Variants in UNC13C observed in about 807,000 individuals in gnomAD.
UNC13C encodes unc-13 homolog C.
UNC13C carries 174 observed loss-of-function variants against 245.4 expected under a neutral mutation model. The ratio of observed to expected loss-of-function variants is 0.71; its 90% CI spans 0.63 to 0.80. UNC13C has a LOEUF of 0.80. UNC13C is among the 30% of genes least tolerant of loss of function. The pLI is 0.00. For synonymous variants in UNC13C, 992 were observed against 895.1 expected (o/e 1.11, Z -1.93); for missense variants, 2,829 against 2,602.9 (o/e 1.09, Z -1.89).
At chr15:53,896,948 C>T in the UNC13C span, among the ~76,000 whole-genome samples, 1 of 152,124 alleles carries the variant, frequency 6.6e-6, no homozygotes, top group African/African-American at 2.4e-5. Context: ...GAAAAATAAA[C>T]TTCTATTTGG....
intron 29 of UNC13C, 89 bp downstream of exon 29, chr15:54,555,601 T>A (rs563804746): frequency 1.2e-5 from 11 of 934,468 alleles, no homozygotes; most frequent in Admixed American, 1.1e-4. Context: ...CATGTATCAG[T>A]AGAGCTGCGC....
chr15:54,160,633 G>A (rs551136406), intron 4 of UNC13C, among the ~76,000 whole-genome samples: 1 of 152,042 alleles, frequency 6.6e-6, no homozygotes, highest in Admixed American at 6.6e-5. Flanking sequence ...CTGTTCAAAA[G>A]TATAGCTGTG....
At chr15:54,389,757 C>A (rs2140911777) in intron 17 of UNC13C, among the ~76,000 whole-genome samples, 1 of 151,134 alleles carries the variant, frequency 6.6e-6, no homozygotes, top group African/African-American at 2.4e-5. Flanking sequence ...GTGATGGAAT[C>A]TCGATCTGTT....
intron 19 of UNC13C, among the ~76,000 whole-genome samples, chr15:54,432,926 C>T (rs1366905791): frequency 1.3e-5 from 2 of 151,900 alleles, no homozygotes; most frequent in East Asian, 1.9e-4. Context: ...ACCACTGATC[C>T]CACAGAAACA....
intron 10 of UNC13C, among the ~76,000 whole-genome samples, chr15:54,269,743 A>ATT: frequency 6.6e-6 from 1 of 152,214 alleles, no homozygotes; most frequent in African/African-American, 2.4e-5. Flanking sequence ...TAAACTATGA[A>ATT]TTATCTGTAT....
chr15:54,237,510 A>G (rs780799965), intron 6 of UNC13C, 109 bp from the exon 7 acceptor site: 37 of 842,396 alleles, frequency 4.4e-5, no homozygotes, highest in Middle Eastern at 2.2e-4. Context: ...CTTACTAACT[A>G]AAATATGAAC....
At chr15:54,172,725 T>A (rs1434258401) in intron 4 of UNC13C, among the ~76,000 whole-genome samples, 46 of 30,458 alleles carry the variant, frequency 1.5e-3, no homozygotes, top group African/African-American at 4.3e-3. Flanking sequence ...TATATATATA[T>A]ATATATATAT....
intron 2 of UNC13C, among the ~76,000 whole-genome samples, chr15:54,097,042 C>T (rs1003020964): frequency 6.6e-6 from 1 of 152,086 alleles, no homozygotes; most frequent in Non-Finnish European, 1.5e-5. Context: ...AGAGACTTAA[C>T]AAAAAGTCTC....
At chr15:54,437,751 C>T (rs188069053) in intron 19 of UNC13C, among the ~76,000 whole-genome samples, 10 of 151,940 alleles carry the variant, frequency 6.6e-5, no homozygotes, top group African/African-American at 1.7e-4. Flanking sequence ...AGAACACAGA[C>T]GACATGTTTG....
At chr15:54,261,354 T>C (rs115696280) in intron 8 of UNC13C, among the ~76,000 whole-genome samples, 3,728 of 152,228 alleles carry the variant, frequency 0.024, 61 homozygotes, top group Non-Finnish European at 0.031. Context: ...AAGAAAGAGT[T>C]TCATTAGAAA....
At chr15:54,234,718 G>T (rs1024370043) in intron 4 of UNC13C, among the ~76,000 whole-genome samples, 5 of 152,162 alleles carry the variant, frequency 3.3e-5, no homozygotes, top group African/African-American at 1.2e-4. Flanking sequence ...GAGGTAAGAA[G>T]TTCCACAGAT....
At chr15:54,417,948 G>A (rs149109599) in intron 19 of UNC13C, among the ~76,000 whole-genome samples, 71 of 152,032 alleles carry the variant, frequency 4.7e-4, no homozygotes, top group African/African-American at 1.7e-3. Context: ...TGTTTGAGAC[G>A]GAGTCTAGCT....
chr15:54,150,945 C>G (rs1035369749), intron 4 of UNC13C, among the ~76,000 whole-genome samples: 2 of 152,128 alleles, frequency 1.3e-5, no homozygotes, highest in East Asian at 1.9e-4. Flanking sequence ...AATCATAAAA[C>G]TGACTCAGAA....
At chr15:54,423,467 T>C in intron 19 of UNC13C, among the ~76,000 whole-genome samples, 1 of 151,860 alleles carries the variant, frequency 6.6e-6, no homozygotes, top group South Asian at 2.1e-4. Context: ...TGACACAATT[T>C]GGGGCCTGTT....
At chr15:54,218,625 G>A (rs530225540) in intron 4 of UNC13C, among the ~76,000 whole-genome samples, 1 of 151,968 alleles carries the variant, frequency 6.6e-6, no homozygotes, top group East Asian at 1.9e-4. Flanking sequence ...GGATGTAAAG[G>A]GGTTTGTTCT....
intron 12 of UNC13C, among the ~76,000 whole-genome samples, chr15:54,298,459 T>G (rs1166482175): frequency 6.6e-6 from 1 of 152,192 alleles, no homozygotes; most frequent in East Asian, 1.9e-4. Flanking sequence ...CAGTTAATTT[T>G]TCTTCCTGTT....
chr15:54,468,347 G>T (rs1164427379), intron 19 of UNC13C, among the ~76,000 whole-genome samples: 1 of 151,436 alleles, frequency 6.6e-6, no homozygotes, highest in Non-Finnish European at 1.5e-5. Flanking sequence ...AATGTATTTT[G>T]GATATTAGTC....
chr15:54,370,962 C>T (rs2039474292), intron 17 of UNC13C, among the ~76,000 whole-genome samples: 1 of 151,574 alleles, frequency 6.6e-6, no homozygotes. Flanking sequence ...TGTGGAATGA[C>T]AAAATATAGC....
intron 32 of UNC13C, 58 bp from the exon 33 acceptor site, chr15:54,626,770 A>T: frequency 6.9e-7 from 1 of 1,458,130 alleles, no homozygotes; most frequent in Non-Finnish European, 9.3e-7. Context: ...TGAGAACCAT[A>T]ATGATGCCTA....
Sources: gnomAD v4.1 joint callset for allele counts (sites outside exome capture counted in the v4.1 genomes callset) on GRCh38, gnomAD v4.1.1 for gene constraint, MANE v1.5 for transcripts, NCBI Gene and HGNC (gene_info 2026-07-23, HGNC 2026-07-21) for gene names.